Variants in CDC25A observed in about 807,000 individuals in gnomAD.
CDC25A encodes M-phase inducer phosphatase 1.
In CDC25A, 17 loss-of-function variants were observed where a neutral mutation model predicts 64.6. The ratio of observed to expected loss-of-function variants is 0.26; its 90% CI spans 0.18 to 0.39. CDC25A has a LOEUF of 0.39. Among genes scored for constraint, CDC25A ranks in the 10% least tolerant of loss-of-function variants. The pLI, the probability that CDC25A is intolerant of heterozygous loss-of-function variation, is 1.00. For synonymous variants in CDC25A, 229 were observed against 238.6 expected (o/e 0.96, Z 0.37); for missense variants, 473 against 654.8 (o/e 0.72, Z 3.03).
At chr3:48,170,704 G>A (rs1227738756) in intron 9 of CDC25A, among the ~76,000 whole-genome samples, 1 of 152,174 alleles carries the variant, frequency 6.6e-6, no homozygotes, top group Non-Finnish European at 1.5e-5. Context: ...ATATTGGAGG[G>A]TGGGGCTGAA....
rs753999679 is a variant in CDC25A, at chr3:48,163,283, C to CAAAA, written c.1322+1020_1322+1023dup. ...GGGTGAAAACAGTGTGCCTCCGCCTCAAAAAAAAAAAAAAAAAAGAAAGAA... is the reference window on the plus strand; with the variant it reads ...GGGTGAAAACAGTGTGCCTCCGCCTCAAAAAAAAAAAAAAAAAAAAAAGAAAGAA... On this transcript the variant is annotated intron_variant, in intron 13 of 14. Coordinates refer to ENST00000302506, the MANE Select transcript of CDC25A (RefSeq NM_001789.3). Among the ~76,000 whole-genome samples the CAAAA allele has an allele frequency of 2.1e-4, 19 of 90,236 alleles. 3 individuals carry two copies. The highest frequency in any genetic ancestry group is 5.7e-3 in the Middle Eastern group (1 of 174). The allele number at this position is 90,236 out of a possible 152,430, so 59.2% of individuals were successfully genotyped here. A position where few individuals can be genotyped will look rare whatever the true frequency, so the allele number is the denominator to read the frequency against.
Position 48,159,091 on chromosome 3 carries a change from G to A in CDC25A, c.1435-6C>T, listed in dbSNP as rs768164773. 6.2e-7 allele frequency: 1 copy of A among 1,613,962 alleles called. No homozygotes were observed. Reference sequence around the variant, plus strand: ...CTAGGGGGCTCACAGTAAGACTGAGGGGACAGGAGAGAATAAGGTTAGGGT... The same window carrying A: ...CTAGGGGGCTCACAGTAAGACTGAGAGGACAGGAGAGAATAAGGTTAGGGT... On this transcript the variant is annotated splice_region_variant and splice_polypyrimidine_tract_variant and intron_variant, in intron 14 of 14. Transcript: ENST00000302506.
intron 13 of CDC25A, among the ~76,000 whole-genome samples, chr3:48,163,600 G>A (rs763276019): frequency 1.5e-4 from 22 of 150,668 alleles, no homozygotes; most frequent in Non-Finnish European, 2.5e-4. Flanking sequence ...GCAAAACTCC[G>A]TCAAAAAAAA....
chr3:48,162,970 T>C (rs930024614), intron 13 of CDC25A, among the ~76,000 whole-genome samples: 1 of 151,700 alleles, frequency 6.6e-6, no homozygotes, highest in Non-Finnish European at 1.5e-5. Flanking sequence ...GGCCAATATA[T>C]TAAGACCCCA....
At chr3:48,182,854 C>T (rs1054740879) in intron 5 of CDC25A, 75 bp downstream of exon 5, 5 of 958,758 alleles carry the variant, frequency 5.2e-6, no homozygotes, top group Admixed American at 1.8e-5. Flanking sequence ...AGAAAGCAGC[C>T]CAGCCACTTC....
At chr3:48,165,351 G>A (rs1490476211) in intron 12 of CDC25A, among the ~76,000 whole-genome samples, 2 of 152,140 alleles carry the variant, frequency 1.3e-5, no homozygotes, top group East Asian at 1.9e-4. Flanking sequence ...CTTGTCCCCC[G>A]AATGACTTAA....
At chr3:48,159,548 C>A in intron 13 of CDC25A, 93 bp from the exon 14 acceptor site, 4 of 780,780 alleles carry the variant, frequency 5.1e-6, no homozygotes, top group East Asian at 2.5e-5. Flanking sequence ...TCTAAGTCCC[C>A]CTTATACACA....
chr3:48,165,093 A>T (rs3731550), intron 12 of CDC25A, among the ~76,000 whole-genome samples: 1 of 133,226 alleles, frequency 7.5e-6, no homozygotes, highest in Non-Finnish European at 1.6e-5. Context: ...CTGGCGACAG[A>T]GCGGACTCTG....
intron 14 of CDC25A, 88 bp downstream of exon 14, chr3:48,159,256 G>A: frequency 1.5e-6 from 2 of 1,297,316 alleles, no homozygotes; most frequent in Non-Finnish European, 2.2e-6. Context: ...CCCGACCCCT[G>A]GAAAGAAAGT....
intron 2 of CDC25A, among the ~76,000 whole-genome samples, chr3:48,184,981 T>A (rs568244737): frequency 4.5e-4 from 68 of 152,228 alleles, no homozygotes; most frequent in Non-Finnish European, 7.8e-4. Flanking sequence ...CTGATTCATA[T>A]CATGATTGTT....
chr3:48,175,511 T>TCAG (rs2032423960), intron 8 of CDC25A, among the ~76,000 whole-genome samples: 3 of 152,320 alleles, frequency 2.0e-5, no homozygotes, highest in African/African-American at 7.2e-5. Context: ...GTCACTTCTT[T>TCAG]GAAATCTTCC....
At chr3:48,183,756 C>T (rs1222675427) in intron 4 of CDC25A, 44 bp downstream of exon 4, 5 of 1,255,970 alleles carry the variant, frequency 4.0e-6, no homozygotes, top group South Asian at 2.5e-5. Context: ...AGCTAAGGAA[C>T]AGATAACAGG....
At chr3:48,175,915 C>G (rs1364226485) in intron 8 of CDC25A, among the ~76,000 whole-genome samples, 1 of 152,104 alleles carries the variant, frequency 6.6e-6, no homozygotes, top group African/African-American at 2.4e-5. Context: ...GCCTGTAATC[C>G]CAGCACTTTG....
At position 48,188,319 on chromosome 3, in the gene CDC25A, C is replaced by G. The variant is rs1575276692; in HGVS notation, c.-372G>C. 5.4e-6 allele frequency: 1 copy of G among 184,506 alleles called. No individual in the cohort carries two copies. Among genetic ancestry groups the G allele is most frequent in the South Asian group, 1.9e-4 (1 of 5,196 alleles). 11.4% of individuals were successfully genotyped at this position (184,506 alleles called of 1,614,324 possible). A position where few individuals can be genotyped will look rare whatever the true frequency, so the allele number is the denominator to read the frequency against. ...ACGCTGTCTTCGCTGTTCTCCCACC[C>G]GCTTGCCCAGCTCCGGGTAGCAGAA... On this transcript the variant is annotated 5_prime_UTR_variant, in exon 1 of 15. Coordinates refer to ENST00000302506, the MANE Select transcript of CDC25A (RefSeq NM_001789.3).
chr3:48,186,204 C>T (rs1275436797), intron 2 of CDC25A, among the ~76,000 whole-genome samples: 1 of 152,198 alleles, frequency 6.6e-6, no homozygotes, highest in East Asian at 1.9e-4. Flanking sequence ...GCACACACCA[C>T]CTCCTTATAG....
chr3:48,188,197 G>A lies in CDC25A; in HGVS notation c.-250C>T. 1 of 335,024 alleles carries A rather than the reference G, an allele frequency of 3.0e-6. No homozygotes were observed. The highest frequency in any genetic ancestry group is 5.4e-6 in the Non-Finnish European group (1 of 186,132). 20.8% of individuals were successfully genotyped at this position (335,024 alleles called of 1,614,324 possible). A position where few individuals can be genotyped will look rare whatever the true frequency, so the allele number is the denominator to read the frequency against. ...CCCTCTCACACCGCGAGGCCAGCGGGCGGGCGGGCGCCGGCAACCTGAAGA... is the reference window on the plus strand; with the variant it reads ...CCCTCTCACACCGCGAGGCCAGCGGACGGGCGGGCGCCGGCAACCTGAAGA... On this transcript the variant is annotated 5_prime_UTR_variant, in exon 1 of 15. Transcript: ENST00000302506.
intron 12 of CDC25A, among the ~76,000 whole-genome samples, chr3:48,165,339 T>C (rs2031961355): frequency 6.6e-6 from 1 of 152,036 alleles, no homozygotes; most frequent in Non-Finnish European, 1.5e-5. Flanking sequence ...ATGAAACCCA[T>C]TCTTGTCCCC....
chr3:48,176,327 A>C (rs991344892), intron 8 of CDC25A, among the ~76,000 whole-genome samples: 2 of 152,070 alleles, frequency 1.3e-5, no homozygotes, highest in Non-Finnish European at 2.9e-5. Flanking sequence ...ATATCTGTAT[A>C]GGCACATTCT....
At chr3:48,178,783 AC>A (rs1428594709) in intron 6 of CDC25A, among the ~76,000 whole-genome samples, 3 of 152,138 alleles carry the variant, frequency 2.0e-5, no homozygotes, top group African/African-American at 7.2e-5. Flanking sequence ...TTTTTGGGAA[AC>A]CTCTAAACAT....
Sources: allele counts gnomAD v4.1 joint callset (sites outside exome capture counted in the v4.1 genomes callset), GRCh38; gene constraint gnomAD v4.1.1; transcripts MANE v1.5; gene names NCBI Gene and HGNC (gene_info 2026-07-23, HGNC 2026-07-21).